EEIG1: variants seen among roughly 807,000 people sequenced by gnomAD.
The protein encoded by EEIG1 is early estrogen-induced gene 1 protein.
the EEIG1 span, chr9:127,945,311 C>T: frequency 7.3e-7 from 1 of 1,375,364 alleles, no homozygotes. The surrounding 1 kb of genome is among the most constrained non-coding windows in gnomAD (Gnocchi z 6.5). Flanking sequence ...AGCGGAGGTT[C>T]AAGGCACCAC....
chr9:127,980,685 G>A, the EEIG1 span, among the ~76,000 whole-genome samples: 1 of 150,252 alleles, frequency 6.7e-6, no homozygotes, highest in African/African-American at 2.4e-5. Context: ...GGGGAAGGTG[G>A]GGCACCCCCA....
the EEIG1 span, among the ~76,000 whole-genome samples, chr9:127,973,940 G>A: frequency 6.6e-6 from 1 of 152,174 alleles, no homozygotes; most frequent in East Asian, 1.9e-4. The surrounding 1 kb of genome is among the most constrained non-coding windows in gnomAD (Gnocchi z 4.2). Flanking sequence ...AGCCCCTTGA[G>A]CCAAACGCCG....
At chr9:127,978,505 C>A in the EEIG1 span, among the ~76,000 whole-genome samples, 1 of 151,646 alleles carries the variant, frequency 6.6e-6, no homozygotes, top group East Asian at 1.9e-4. Flanking sequence ...CAGGCCCTGC[C>A]CGCATACTAT....
chr9:127,949,606 G>C, the EEIG1 span, among the ~76,000 whole-genome samples: 1 of 152,192 alleles, frequency 6.6e-6, no homozygotes, highest in Non-Finnish European at 1.5e-5. Context: ...AAGACAATCA[G>C]CCTGGACCCT....
the EEIG1 span, among the ~76,000 whole-genome samples, chr9:127,966,396 C>T: frequency 3.4e-3 from 518 of 151,772 alleles, 15 homozygotes; most frequent in East Asian, 0.068. Flanking sequence ...CTGCTTGAGC[C>T]CGGGAGTTCA....
At chr9:127,970,747 C>T in the EEIG1 span, among the ~76,000 whole-genome samples, 1 of 152,174 alleles carries the variant, frequency 6.6e-6, no homozygotes, top group Non-Finnish European at 1.5e-5. Context: ...CTCCTGACTT[C>T]AAGCTCCCTC....
At chr9:127,968,716 G>A in the EEIG1 span, among the ~76,000 whole-genome samples, 1 of 152,162 alleles carries the variant, frequency 6.6e-6, no homozygotes, top group Admixed American at 6.5e-5. Flanking sequence ...CTTCTGAGGT[G>A]ACCAGGAGAT....
At chr9:127,966,950 T>C in the EEIG1 span, among the ~76,000 whole-genome samples, 52 of 152,290 alleles carry the variant, frequency 3.4e-4, no homozygotes, top group African/African-American at 1.2e-3. Flanking sequence ...CTGGGAAATC[T>C]GCCAAGGCAG....
At chr9:127,948,553 G>T in the EEIG1 span, 1 of 839,642 alleles carries the variant, frequency 1.2e-6, no homozygotes, top group Non-Finnish European at 1.9e-6. Context: ...TGGCTTGGGG[G>T]CTCTGGCAAA....
chr9:127,945,278 G>C, the EEIG1 span: 2 of 1,101,578 alleles, frequency 1.8e-6, no homozygotes, highest in Non-Finnish European at 2.6e-6. This position sits in a 1 kb window ranked among gnomAD's most constrained non-coding sequence, Gnocchi z 6.5. Context: ...GGGACCTTAC[G>C]GTCCCTGTGT....
At chr9:127,968,420 G>A in the EEIG1 span, among the ~76,000 whole-genome samples, 8 of 152,298 alleles carry the variant, frequency 5.3e-5, no homozygotes, top group South Asian at 1.7e-3. Flanking sequence ...GTCTCCCAGA[G>A]TGTGGAGGTC....
chr9:127,980,233 G>T, the EEIG1 span: 9 of 1,365,652 alleles, frequency 6.6e-6, no homozygotes, highest in Admixed American at 4.5e-5. Context: ...CAAAACACCA[G>T]AGCCGGATCC....
chr9:127,960,283 A>G, the EEIG1 span, among the ~76,000 whole-genome samples: 4 of 152,180 alleles, frequency 2.6e-5, no homozygotes, highest in Non-Finnish European at 5.9e-5. Flanking sequence ...GGCAGGTAGA[A>G]AACTAGTGCA....
the EEIG1 span, chr9:127,942,166 G>T: frequency 6.5e-6 from 1 of 152,702 alleles, no homozygotes; most frequent in Non-Finnish European, 1.5e-5. Context: ...CTCCGGACCA[G>T]TCCAGCCACA....
the EEIG1 span, chr9:127,943,306 G>GC: frequency 1.2e-5 from 17 of 1,472,426 alleles, no homozygotes; most frequent in Non-Finnish European, 1.6e-5. Context: ...ACTGGACCAG[G>GC]CCTCTGGAGG....
the EEIG1 span, among the ~76,000 whole-genome samples, chr9:127,959,451 T>C: frequency 2.0e-5 from 3 of 152,228 alleles, no homozygotes; most frequent in Admixed American, 6.5e-5. Flanking sequence ...AAATCCATAG[T>C]GACAGGAACT....
chr9:127,965,226 G>C, the EEIG1 span, among the ~76,000 whole-genome samples: 2 of 151,772 alleles, frequency 1.3e-5, no homozygotes, highest in African/African-American at 2.4e-5. Flanking sequence ...GACTCCGCAG[G>C]ACAGGGTTTC....
chr9:127,944,724 G>A, the EEIG1 span: 3 of 1,612,124 alleles, frequency 1.9e-6, no homozygotes, highest in Non-Finnish European at 2.5e-6. Context: ...GAGCGCGGCA[G>A]GGCCAGCCCT....
chr9:127,965,538 GTCCATCACTTA>G, the EEIG1 span, among the ~76,000 whole-genome samples: 6 of 152,242 alleles, frequency 3.9e-5, no homozygotes, highest in East Asian at 1.2e-3. Context: ...CATCACTTAA[GTCCATCACTTA>G]AGTCCCTTGC....
Sources: allele counts gnomAD v4.1 joint callset (sites outside exome capture counted in the v4.1 genomes callset), GRCh38; gene constraint gnomAD v4.1.1; non-coding constraint Gnocchi (gnomAD v3.1); transcripts MANE v1.5; gene names NCBI Gene and HGNC (gene_info 2026-07-23, HGNC 2026-07-21).